CDKL2: variants seen among roughly 807,000 people sequenced by gnomAD.
CDKL2 encodes the protein cyclin-dependent kinase-like 2.
CDKL2 carries 64 observed loss-of-function variants against 63.9 expected under a neutral mutation model. The ratio of observed to expected loss-of-function variants is 1.00; its 90% CI spans 0.82 to 1.23. The LOEUF is 1.23. CDKL2 is among the 50% of genes most tolerant of loss of function. The probability of loss-of-function intolerance (pLI) is 0.00; values close to 1 mark genes in which losing one functional copy is unlikely to be tolerated. For missense variants in CDKL2, 656 were observed against 668.0 expected, an observed-to-expected ratio of 0.98 and a Z score of 0.20; for synonymous variants, 211 against 229.2, an observed-to-expected ratio of 0.92 and a Z score of 0.72.
At chr4:75,625,694 C>T in intron 2 of CDKL2, 127 bp downstream of exon 2, 1 of 683,328 alleles carries the variant, frequency 1.5e-6, no homozygotes, top group South Asian at 2.0e-5. Context: ...AAGGAACAAA[C>T]ACTTTTAAAA....
chr4:75,590,522 C>G (rs1052137150), intron 12 of CDKL2, among the ~76,000 whole-genome samples: 5 of 152,274 alleles, frequency 3.3e-5, no homozygotes, highest in Non-Finnish European at 5.9e-5. Flanking sequence ...CAAGACCAGC[C>G]TGGCCAACAT....
Position 75,596,258 on chromosome 4 carries a change from C to T in CDKL2, c.1405G>A (p.Val469Met), listed in dbSNP as rs1311258432. Residue 469 changes from valine to methionine, a missense_variant, in exon 10 of 14, where the codon GTG becomes ATG. Physicochemically the swap from Val to Met is conservative, Grantham distance 21 (BLOSUM62 1). Coordinates refer to ENST00000307465, the MANE Select transcript of CDKL2 (RefSeq NM_001330724.2). ...HSPSGIYNIN[V>M]TTLVSSEKNL... Reference sequence around the variant, plus strand: ...AACTGCTTACTTACTAATGTGGTCACATTAATGTTATAAATGCCTGATGGG... The same window carrying T: ...AACTGCTTACTTACTAATGTGGTCATATTAATGTTATAAATGCCTGATGGG... 1.2e-6 allele frequency: 2 copies of T among 1,600,078 alleles called. No individual in the cohort carries two copies. The highest frequency in any genetic ancestry group is 2.2e-5 in the East Asian group (1 of 44,790).
Position 75,591,840 on chromosome 4 carries a change from G to T in CDKL2, c.1626C>A (p.Thr542=). 1 of 1,535,140 alleles carries T rather than the reference G, an allele frequency of 6.5e-7. No individual in the cohort carries two copies. Among genetic ancestry groups the T allele is most frequent in the Non-Finnish European group, 8.7e-7 (1 of 1,146,182 alleles). Residue 542 remains threonine (T), a synonymous_variant, in exon 12 of 14, where the codon ACC becomes ACA. Coordinates refer to ENST00000307465, the MANE Select transcript of CDKL2 (RefSeq NM_001330724.2). ...GTACCTGATGTAATGTAATACTGGG[G>T]GTGTGCAGGTCAATAGCAGCCAGAG... ...IPSLAAIDLH[T]PSITLHQVSG...
chr4:75,590,176 A>C (rs904701695), intron 12 of CDKL2, among the ~76,000 whole-genome samples: 1 of 152,078 alleles, frequency 6.6e-6, no homozygotes, highest in Non-Finnish European at 1.5e-5. Flanking sequence ...CAAAAAAAAG[A>C]AGTAAAGAAG....
chr4:75,585,767 T>A (rs1316501010), intron 12 of CDKL2, among the ~76,000 whole-genome samples: 3 of 152,036 alleles, frequency 2.0e-5, no homozygotes, highest in African/African-American at 7.2e-5. Flanking sequence ...AATAAATTAA[T>A]TAATTAAATT....
In CDKL2 at chr4:75,583,927, A is replaced by G. The variant is rs76154064; in HGVS notation, c.1648-2029T>C. ...CAAACAGAAAACAAATAATAAAAAG[A>G]TGGGACTAGATTCAAAAATATCAAT... On this transcript the variant is annotated intron_variant, in intron 12 of 13. Coordinates refer to ENST00000307465, the MANE Select transcript of CDKL2 (RefSeq NM_001330724.2). Among the ~76,000 whole-genome samples, 966 of 152,320 alleles carry G rather than the reference A, an allele frequency of 6.3e-3. 6 individuals carry two copies. Among genetic ancestry groups the G allele is most frequent in the Admixed American group, 0.013 (194 of 15,296 alleles).
chr4:75,627,149 G>A (rs1578359507), intron 1 of CDKL2, among the ~76,000 whole-genome samples: 1 of 151,210 alleles, frequency 6.6e-6, no homozygotes, highest in African/African-American at 2.4e-5. Context: ...GTTGCAGTGA[G>A]CCAAGATAGC....
At chr4:75,607,701 AG>A (rs1178840325) in intron 3 of CDKL2, among the ~76,000 whole-genome samples, 2 of 152,242 alleles carry the variant, frequency 1.3e-5, no homozygotes, top group Non-Finnish European at 2.9e-5. Context: ...GCTCTAACAT[AG>A]GTCTTTAATA....
Position 75,578,270 on chromosome 4 carries a change from C to T in CDKL2, c.*932G>A. The T allele has an allele frequency of 6.6e-6, 1 of 152,204 alleles. No homozygotes were observed. The highest frequency in any genetic ancestry group is 1.5e-5 in the Non-Finnish European group (1 of 68,050). 9.4% of individuals were successfully genotyped at this position (152,204 alleles called of 1,614,324 possible). A position where few individuals can be genotyped will look rare whatever the true frequency, so the allele number is the denominator to read the frequency against. ...TCTGGATTCTAGTATCACCCTTAAA[C>T]TACCAGGGGACAAAAGTGGAGTCCA... On this transcript the variant is annotated 3_prime_UTR_variant, in exon 14 of 14. Coordinates refer to ENST00000307465, the MANE Select transcript of CDKL2 (RefSeq NM_001330724.2).
chr4:75,598,225 A>G lies in CDKL2; in HGVS notation c.885-13T>C, dbSNP rs1362600553. On this transcript the variant is annotated splice_polypyrimidine_tract_variant and intron_variant, in intron 7 of 13. Coordinates refer to ENST00000307465, the MANE Select transcript of CDKL2 (RefSeq NM_001330724.2). Reference sequence around the variant, plus strand: ...TTCTTGGGAAAACCTACATAAAAATATAATAAAATAAAATTGTAAGACATG... The same window carrying G: ...TTCTTGGGAAAACCTACATAAAAATGTAATAAAATAAAATTGTAAGACATG... The G allele has an allele frequency of 3.7e-6, 5 of 1,334,840 alleles. No individual in the cohort carries two copies. In the African/African-American group the frequency reaches 6.1e-5, roughly 16 times the overall value. 82.7% of individuals were successfully genotyped at this position (1,334,840 alleles called of 1,614,324 possible). A position where few individuals can be genotyped will look rare whatever the true frequency, so the allele number is the denominator to read the frequency against.
chr4:75,577,280 T>C lies in CDKL2; in HGVS notation c.*1922A>G, dbSNP rs919198939. Among the ~76,000 whole-genome samples the C allele has an allele frequency of 6.6e-5, 10 of 152,190 alleles. No homozygotes were observed. The highest frequency in any genetic ancestry group is 2.2e-4 in the African/African-American group (9 of 41,456). Reference sequence around the variant, plus strand: ...AAAAGGATCATTTTGGTTCAATATCTATTATTGTTGATTATGTAATCTTGT... The same window carrying C: ...AAAAGGATCATTTTGGTTCAATATCCATTATTGTTGATTATGTAATCTTGT... On this transcript the variant is annotated 3_prime_UTR_variant, in exon 14 of 14. Coordinates refer to ENST00000307465, the MANE Select transcript of CDKL2 (RefSeq NM_001330724.2).
chr4:75,592,412 CAAAAAAAATTCATCCA>C, intron 10 of CDKL2, 143 bp from the exon 11 acceptor site: 1 of 575,998 alleles, frequency 1.7e-6, no homozygotes, highest in East Asian at 3.2e-5. Context: ...ATTAATAATA[CAAAAAAAATTCATCCA>C]ATTATTTCAA....
At chr4:75,592,036 A>C in intron 11 of CDKL2, 110 bp downstream of exon 11, 1 of 1,308,156 alleles carries the variant, frequency 7.6e-7, no homozygotes, top group Non-Finnish European at 1.0e-6. Flanking sequence ...ACAGGTATTT[A>C]CATACTTAAA....
At chr4:75,607,459 A>G (rs1432900616) in intron 3 of CDKL2, 98 bp from the exon 4 acceptor site, 1 of 898,130 alleles carries the variant, frequency 1.1e-6, no homozygotes, top group Non-Finnish European at 1.6e-6. Context: ...TATAAAGAAT[A>G]CAAACAAAAG....
intron 2 of CDKL2, among the ~76,000 whole-genome samples, chr4:75,615,636 CAG>C (rs907650133): frequency 3.3e-5 from 5 of 152,246 alleles, no homozygotes; most frequent in East Asian, 1.9e-4. Flanking sequence ...GGTTATGAAA[CAG>C]AAAGTGAACA....
chr4:75,626,241 G>A (rs1350584632), intron 1 of CDKL2, among the ~76,000 whole-genome samples: 2 of 152,142 alleles, frequency 1.3e-5, no homozygotes, highest in Non-Finnish European at 2.9e-5. Context: ...TTTCATAATA[G>A]ACAACGCAAA....
intron 12 of CDKL2, among the ~76,000 whole-genome samples, chr4:75,591,078 C>A (rs944858375): frequency 1.3e-5 from 2 of 151,994 alleles, no homozygotes; most frequent in Non-Finnish European, 2.9e-5. Context: ...AATAGCAAAT[C>A]TTTAACATGG....
chr4:75,577,881 G>C lies in CDKL2; in HGVS notation c.*1321C>G, dbSNP rs1207089985. On this transcript the variant is annotated 3_prime_UTR_variant, in exon 14 of 14. Transcript: ENST00000307465. ...TTTGAGGCTTAAATATCCAAGGTCA[G>C]AATTTCAGTATTAAGCTCCTCAGAG... The C allele has an allele frequency of 1.3e-5, 2 of 150,998 alleles. No homozygotes were observed. The highest frequency in any genetic ancestry group is 1.3e-4 in the Admixed American group (2 of 14,944). 9.4% of individuals were successfully genotyped at this position (150,998 alleles called of 1,614,324 possible).
rs1204536453 is a variant in CDKL2 at position 75,618,050 on chromosome 4, G to A, written c.169-3601C>T. ...CAGGAGGCGGAGGTTGCAGTGAGCC[G>A]AGATCGTGCCACTGCACTCCAACCT... On this transcript the variant is annotated intron_variant, in intron 2 of 13. Coordinates refer to ENST00000307465, the MANE Select transcript of CDKL2 (RefSeq NM_001330724.2). Among the ~76,000 whole-genome samples, 14 of 139,088 alleles carry A rather than the reference G, an allele frequency of 1.0e-4. No homozygotes were observed. In the South Asian group the frequency reaches 2.8e-3, roughly 28 times the overall value. The allele number at this position is 139,088 out of a possible 152,430, so 91.2% of individuals were successfully genotyped here. A position where few individuals can be genotyped will look rare whatever the true frequency, so the allele number is the denominator to read the frequency against.
Sources: gnomAD v4.1 joint callset for allele counts (sites outside exome capture counted in the v4.1 genomes callset) on GRCh38, gnomAD v4.1.1 for gene constraint, MANE v1.5 for transcripts, NCBI Gene and HGNC (gene_info 2026-07-23, HGNC 2026-07-21) for gene names.